The following MLH3 variants were observed in gnomAD, a reference collection of about 807,000 sequenced individuals.
The protein encoded by MLH3 is DNA mismatch repair protein Mlh3.
A neutral mutation model predicts 122.2 loss-of-function variants in MLH3; 82 were observed. The observed-to-expected ratio is 0.67, with a 90% confidence interval of 0.56 to 0.81. MLH3 has a LOEUF of 0.81. Among genes scored for constraint, MLH3 ranks in the 30% least tolerant of loss-of-function variants. The probability of loss-of-function intolerance (pLI) is 0.00; values close to 1 mark genes in which losing one functional copy is unlikely to be tolerated. For synonymous variants in MLH3, 524 were observed against 599.5 expected (o/e 0.87, Z 1.84); for missense variants, 1,539 against 1,714.5 (o/e 0.90, Z 1.81).
chr14:75,032,298 G>A lies in MLH3; in HGVS notation c.3716-119C>T. 5.6e-6 allele frequency: 4 copies of A among 713,872 alleles called. No homozygotes were observed. In the Admixed American group the frequency reaches 6.5e-5, roughly 12 times the overall value. 44.2% of individuals were successfully genotyped at this position (713,872 alleles called of 1,614,324 possible). ...TGCAAAGCAGAATGTTTAATGTTCA[G>A]TTTTAGATTTTGGATTTCCATTTTT... is the stretch of plus-strand genomic sequence containing the variant. On this transcript the variant is annotated intron_variant, in intron 7 of 12. Transcript: ENST00000355774.
At chr14:75,043,292 C>A (rs1432709152) in intron 2 of MLH3, among the ~76,000 whole-genome samples, 1 of 152,216 alleles carries the variant, frequency 6.6e-6, no homozygotes, top group Non-Finnish European at 1.5e-5. Context: ...TGTCTCTTAT[C>A]TCCAATGTAT....
intron 9 of MLH3, among the ~76,000 whole-genome samples, chr14:75,029,320 G>A (rs1890883686): frequency 6.6e-6 from 1 of 152,146 alleles, no homozygotes; most frequent in African/African-American, 2.4e-5. Context: ...TGGTCTTGCT[G>A]TCTCAGGAAT....
chr14:75,048,524 G>A lies in MLH3; in HGVS notation c.1132C>T (p.Leu378Phe), dbSNP rs2139589791. The change falls in exon 2 of 13, where the codon CTT becomes TTT. Residue 378 changes from leucine (L) to phenylalanine (F), a missense_variant. Transcript: ENST00000355774. The stretch of plus-strand genomic sequence containing the variant: ...TCATCGGAAGTCACACGCTTCTGAA[G>A]AGTAGCATCAAATAAACTAAAACCA... Reference protein sequence around the residue: ...DNGFSLFDATLQKRVTSDERS... With the variant: ...DNGFSLFDATFQKRVTSDERS... The A allele has an allele frequency of 2.5e-6, 4 of 1,613,304 alleles. No homozygotes were observed. The highest frequency in any genetic ancestry group is 2.2e-5 in the South Asian group (2 of 90,946).
rs1405723390 is a variant in MLH3, at chr14:75,047,243, T to C, written c.2413A>G (p.Lys805Glu). ...TCACTATGCTCCATAGTAGTGATTT[T>C]ACAAACATCAGAGTTCTCTAAGCGG... Reference protein sequence around the residue: ...KNRLENSDVCKITTMEHSDSD... With the variant: ...KNRLENSDVCEITTMEHSDSD... Residue 805 changes from lysine (K) to glutamate (E), a missense_variant, in exon 2 of 13, where the codon AAA becomes GAA. Lys to Glu is a moderately conservative substitution (Grantham distance 56). Transcript: ENST00000355774. 1 of 1,614,190 alleles carries C rather than the reference T, an allele frequency of 6.2e-7. No homozygotes were observed. Among genetic ancestry groups the C allele is most frequent in the Admixed American group, 1.7e-5 (1 of 60,028 alleles).
intron 1 of MLH3, 26 bp downstream of exon 1, chr14:75,051,354 T>C (rs1287717485): frequency 1.3e-5 from 2 of 152,282 alleles, no homozygotes; most frequent in African/African-American, 2.4e-5. Context: ...CATCATCTTT[T>C]CGTCGCGTGC....
At chr14:75,043,408 G>A (rs780196642) in intron 2 of MLH3, among the ~76,000 whole-genome samples, 1 of 152,216 alleles carries the variant, frequency 6.6e-6, no homozygotes, top group Non-Finnish European at 1.5e-5. Context: ...AACCTGCAAC[G>A]TGACAGCACC....
intron 5 of MLH3, among the ~76,000 whole-genome samples, chr14:75,039,307 G>A (rs937770168): frequency 1.3e-5 from 2 of 152,044 alleles, no homozygotes; most frequent in African/African-American, 2.4e-5. Flanking sequence ...GCCTGCTCTG[G>A]TACCAGGTCA....
Position 75,047,673 on chromosome 14 carries a change from A to G in MLH3, c.1983T>C (p.Thr661=), listed in dbSNP as rs376024613. 5 of 1,613,862 alleles carry G rather than the reference A, an allele frequency of 3.1e-6. No individual in the cohort carries two copies. Among genetic ancestry groups the G allele is most frequent in the Admixed American group, 1.7e-5 (1 of 59,990 alleles). Residue 661 remains threonine, a synonymous_variant, in exon 2 of 13, where the codon ACT becomes ACC. Transcript: ENST00000355774. The part of the protein sequence containing the change: ...ETPDIKDLAS[T]LSKESGQLPN... ...GCAATTGACCAGATTCTTTACTTAA[A>G]GTGCTGGCTAAATCTTTGATGTCTG...
rs760753507 is a variant in MLH3 at position 75,047,013 on chromosome 14, C to T, written c.2643G>A (p.Lys881=). The change falls in exon 2 of 13, where the codon AAG becomes AAA. Residue 881 remains lysine (K), a synonymous_variant. Coordinates refer to ENST00000355774, the MANE Select transcript of MLH3 (RefSeq NM_001040108.2). ...ESLASKLSRL[K]GSERETQTMG... ...TTGTTTGAGTTTCTCTTTCGGAACCCTTCAGTCTGGATAATTTAGAGGCTA... is the reference window on the plus strand; with the variant it reads ...TTGTTTGAGTTTCTCTTTCGGAACCTTTCAGTCTGGATAATTTAGAGGCTA... The T allele has an allele frequency of 1.2e-6, 2 of 1,614,194 alleles. No homozygotes were observed. Among genetic ancestry groups the T allele is most frequent in the Non-Finnish European group, 1.7e-6 (2 of 1,180,040 alleles).
At chr14:75,037,583 A>T (rs1595064135) in intron 6 of MLH3, among the ~76,000 whole-genome samples, 1 of 152,194 alleles carries the variant, frequency 6.6e-6, no homozygotes, top group Non-Finnish European at 1.5e-5. Context: ...AGAGTTCATT[A>T]TATACACTTT....
rs1396036896 is a variant in MLH3 at position 75,049,569 on chromosome 14, A to C, written c.87T>G (p.Leu29=). 1 of 1,614,176 alleles carries C rather than the reference A, an allele frequency of 6.2e-7. No individual in the cohort carries two copies. ...ISSLGQCVEE[L]ALNSIDAEAK... ...CTTCAGCATCAATACTGTTGAGGGC[A>C]AGTTCCTCAACACATTGGCCCAAGG... Residue 29 remains leucine (L), a synonymous_variant, in exon 2 of 13, where the codon CTT becomes CTG. Coordinates refer to ENST00000355774, the MANE Select transcript of MLH3 (RefSeq NM_001040108.2).
chr14:75,047,517 TG>T lies in MLH3; in HGVS notation c.2138del (p.Thr713AsnfsTer21), dbSNP rs774749587. The T allele has an allele frequency of 4.0e-5, 65 of 1,613,916 alleles. No individual in the cohort carries two copies. Among genetic ancestry groups the T allele is most frequent in the Non-Finnish European group, 5.4e-5 (64 of 1,179,976 alleles). ...KSQTDCILSD[T>X]SPSFPWYRHV... ...GTCTATACCAGGGGAAAGAGGGGGA[TG>T]TATCAGATAATATGCAATCTGTTTG... On this transcript the variant is annotated frameshift_variant, in exon 2 of 13. Coordinates refer to ENST00000355774, the MANE Select transcript of MLH3 (RefSeq NM_001040108.2). LOFTEE classifies it high-confidence loss of function.
In MLH3 at chr14:75,022,813, C is replaced by T; in HGVS notation, c.4090+1G>A. The T allele has an allele frequency of 6.2e-7, 1 of 1,613,924 alleles. No individual in the cohort carries two copies. The highest frequency in any genetic ancestry group is 8.5e-7 in the Non-Finnish European group (1 of 1,179,816). Reference sequence around the variant, plus strand: ...GATCACTGCTATGTTGAAGGGCTTACCATGGCAGGCTTGGGATGCCAACAC... The same window carrying T: ...GATCACTGCTATGTTGAAGGGCTTATCATGGCAGGCTTGGGATGCCAACAC... On this transcript the variant is annotated splice_donor_variant, in intron 11 of 12. Coordinates refer to ENST00000355774, the MANE Select transcript of MLH3 (RefSeq NM_001040108.2). LOFTEE classifies it high-confidence loss of function.
chr14:75,020,865 C>CATT (rs35881732), intron 11 of MLH3: 71,456 of 148,018 alleles, frequency 0.48, 18,308 homozygotes, highest in East Asian at 0.81. Flanking sequence ...ATTCCATCTT[C>CATT]ATTATTATTA....
At chr14:75,042,302 A>T in intron 3 of MLH3, 77 bp downstream of exon 3, 2 of 1,255,800 alleles carry the variant, frequency 1.6e-6, no homozygotes, top group Non-Finnish European at 2.3e-6. Flanking sequence ...GATCAAGCTT[A>T]ATGCAAGCCT....
chr14:75,046,974 A>G lies in MLH3; in HGVS notation c.2682T>C (p.Ser894=). ...CTGAATTTGGAAGTTCATTAAAACG[A>G]CTCATCATCCCCATTGTTTGAGTTT... ...ERETQTMGMM[S]RFNELPNSDS... Residue 894 remains serine (S), a synonymous_variant, in exon 2 of 13, where the codon AGT becomes AGC. Coordinates refer to ENST00000355774, the MANE Select transcript of MLH3 (RefSeq NM_001040108.2). The G allele has an allele frequency of 6.2e-7, 1 of 1,614,102 alleles. No individual in the cohort carries two copies. Among genetic ancestry groups the G allele is most frequent in the East Asian group, 2.2e-5 (1 of 44,868 alleles).
chr14:75,046,239 T>C lies in MLH3; in HGVS notation c.3280+137A>G, dbSNP rs113654059. 77 of 780,264 alleles carry C rather than the reference T, an allele frequency of 9.9e-5. No homozygotes were observed. In the African/African-American group the frequency reaches 1.1e-3, roughly 11 times the overall value. 48.3% of individuals were successfully genotyped at this position (780,264 alleles called of 1,614,324 possible). A position where few individuals can be genotyped will look rare whatever the true frequency, so the allele number is the denominator to read the frequency against. ...AGCAAATCTTCATATAGCATGAAAA[T>C]ACAACATATGTTTTATAAGTGGTCT... On this transcript the variant is annotated intron_variant, in intron 2 of 12. Transcript: ENST00000355774.
intron 6 of MLH3, 54 bp from the exon 7 acceptor site, chr14:75,033,544 A>G (rs745910337): frequency 9.4e-6 from 13 of 1,378,402 alleles, no homozygotes; most frequent in African/African-American, 1.4e-5. Flanking sequence ...GACAACCATC[A>G]TGTGTGTTGA....
intron 5 of MLH3, among the ~76,000 whole-genome samples, 195 bp downstream of exon 5, chr14:75,039,712 ATAAT>A (rs1891675613): frequency 6.6e-6 from 1 of 151,594 alleles, no homozygotes; most frequent in South Asian, 2.1e-4. Flanking sequence ...CTTTGTAATT[ATAAT>A]TAATCCCTTG....
Sources: allele counts gnomAD v4.1 joint callset (sites outside exome capture counted in the v4.1 genomes callset), GRCh38; gene constraint gnomAD v4.1.1; transcripts MANE v1.5; gene names NCBI Gene and HGNC (gene_info 2026-07-23, HGNC 2026-07-21).